The following INSRR variants were observed in gnomAD, a reference collection of about 807,000 sequenced individuals.
INSRR encodes the protein insulin receptor-related protein.
INSRR carries 114 observed loss-of-function variants against 130.0 expected under a neutral mutation model. The observed-to-expected ratio is 0.88, with a 90% CI of 0.75 to 1.02. INSRR has a LOEUF of 1.02. INSRR is among the 50% of genes least tolerant of loss of function. The pLI, the probability that INSRR is intolerant of heterozygous loss-of-function variation, is 0.00. For synonymous variants in INSRR, 674 were observed against 705.2 expected (o/e 0.96, Z 0.70); for missense variants, 1,657 against 1,735.2 (o/e 0.95, Z 0.80).
rs190741064 is a variant in INSRR at position 156,843,183 on chromosome 1, G to A, written c.2947C>T (p.Arg983Trp). The A allele has an allele frequency of 6.8e-6, 11 of 1,614,034 alleles. No individual in the cohort carries two copies. The Admixed American group carries it at 1.0e-4, about 15-fold the overall frequency. ...EVPREQISIIRELGQGSFGMV... is the reference protein window; with the variant it reads ...EVPREQISIIWELGQGSFGMV... ...CCAAAAGAGCCCTGGCCCAGTTCCC[G>A]GATTATCGAGATCTGCTCCCGAGGC... Residue 983 changes from arginine (R) to tryptophan (W), a missense_variant, in exon 17 of 22, where the codon CGG becomes TGG. Physicochemically the swap from Arg to Trp is moderately radical, Grantham distance 101 (BLOSUM62 -3). Coordinates refer to ENST00000368195, the MANE Select transcript of INSRR (RefSeq NM_014215.3).
chr1:156,843,251 G>GCA lies in INSRR; in HGVS notation c.2897-19_2897-18insTG, dbSNP rs1385936819. The GCA allele has an allele frequency of 6.2e-7, 1 of 1,610,074 alleles. No individual in the cohort carries two copies. Among genetic ancestry groups the GCA allele is most frequent in the Non-Finnish European group, 8.5e-7 (1 of 1,176,444 alleles). Reference sequence around the variant, plus strand: ...GACATACACTGCAAGGAGGTGGAGGGTCACAAAGCGAGGATGCTGCTCTCT... The same window carrying GCA: ...GACATACACTGCAAGGAGGTGGAGGGCATCACAAAGCGAGGATGCTGCTCTCT... On this transcript the variant is annotated intron_variant, in intron 16 of 21. Transcript: ENST00000368195.
rs1468345124 is a variant in INSRR, at chr1:156,840,779, T to G, written c.*94A>C. On this transcript the variant is annotated 3_prime_UTR_variant, in exon 22 of 22. Transcript: ENST00000368195. ...ACCCTCGGCCATCCCTTGCCCTGAG[T>G]TGGGGTGGGGGTGAACATTCAGGCG... 5.8e-5 allele frequency: 54 copies of G among 937,578 alleles called. No homozygotes were observed. Among genetic ancestry groups the G allele is most frequent in the Non-Finnish European group, 8.2e-5 (49 of 596,956 alleles). The allele number at this position is 937,578 out of a possible 1,614,324, so 58.1% of individuals were successfully genotyped here.
At position 156,848,927 on chromosome 1, in the gene INSRR, T is replaced by C. The variant is rs1558088225; in HGVS notation, c.1565A>G (p.Lys522Arg). 1 of 1,570,854 alleles carries C rather than the reference T, an allele frequency of 6.4e-7. No individual in the cohort carries two copies. Among genetic ancestry groups the C allele is most frequent in the East Asian group, 2.3e-5 (1 of 42,818 alleles). The change falls in exon 7 of 22, where the codon AAG (lysine) becomes AGG (arginine). Residue 522 changes from lysine to arginine, a missense_variant. By Grantham distance (26) the Lys-to-Arg change is conservative. Transcript: ENST00000368195. Reference sequence around the variant, plus strand: ...CCCCGCCCCCGGCACTCACGACTCCTTGTAGTACACGATGAAGCTGAGCAG... The same window carrying C: ...CCCCGCCCCCGGCACTCACGACTCCCTGTAGTACACGATGAAGCTGAGCAG... ...RDLLSFIVYY[K>R]ESPFQNATEH...
intron 7 of INSRR, among the ~76,000 whole-genome samples, chr1:156,847,977 C>T (rs1017279820): frequency 2.6e-5 from 4 of 152,146 alleles, no homozygotes; most frequent in Admixed American, 2.0e-4. Context: ...AGAGTGCAGT[C>T]CACAAACCAG....
At position 156,845,788 on chromosome 1, in the gene INSRR, C is replaced by T. The variant is rs759296297; in HGVS notation, c.2005G>A (p.Asp669Asn). ...CCGTCTTCGCCGTCGAAGCGCGGAT[C>T]GTTGTTGCTGGTGGGCAGCCGCAAG... ...RGLRLPTSNN[D>N]PRFDGEDGDP... The change falls in exon 10 of 22, where the codon GAT (aspartate) becomes AAT (asparagine). Residue 669 changes from aspartate (D) to asparagine (N), a missense_variant. Physicochemically the swap from Asp to Asn is conservative, Grantham distance 23. Coordinates refer to ENST00000368195, the MANE Select transcript of INSRR (RefSeq NM_014215.3). The T allele has an allele frequency of 1.2e-6, 2 of 1,612,942 alleles. No individual in the cohort carries two copies. The highest frequency in any genetic ancestry group is 1.7e-6 in the Non-Finnish European group (2 of 1,179,892).
chr1:156,849,497 T>TTGGG, intron 5 of INSRR, 37 bp from the exon 6 acceptor site: 4 of 243,930 alleles, frequency 1.6e-5, no homozygotes, highest in East Asian at 9.5e-5. Context: ...TGCGGGGAGG[T>TTGGG]GGGGGCAGGG....
Position 156,845,781 on chromosome 1 carries a change from C to T in INSRR, c.2012G>A (p.Arg671His), listed in dbSNP as rs1280212422. ...AGGATCCCCGTCTTCGCCGTCGAAG[C>T]GCGGATCGTTGTTGCTGGTGGGCAG... is the stretch of plus-strand genomic sequence containing the variant. ...LRLPTSNNDP[R>H]FDGEDGDPEA... The change falls in exon 10 of 22, where the codon CGC (arginine) becomes CAC (histidine). Residue 671 changes from arginine (R) to histidine (H), a missense_variant. Coordinates refer to ENST00000368195, the MANE Select transcript of INSRR (RefSeq NM_014215.3). 1.2e-6 allele frequency: 2 copies of T among 1,613,110 alleles called. No homozygotes were observed. The highest frequency in any genetic ancestry group is 1.7e-6 in the Non-Finnish European group (2 of 1,179,904).
chr1:156,849,116 G>T, intron 6 of INSRR, 69 bp from the exon 7 acceptor site: 1 of 1,597,278 alleles, frequency 6.3e-7, no homozygotes, highest in Non-Finnish European at 8.5e-7. Context: ...CTGACCCCGC[G>T]GCATCCCATT....
At position 156,840,880 on chromosome 1, in the gene INSRR, C is replaced by T; in HGVS notation, c.3887G>A (p.Gly1296Glu). The T allele has an allele frequency of 1.2e-6, 2 of 1,612,566 alleles. No individual in the cohort carries two copies. The highest frequency in any genetic ancestry group is 1.7e-6 in the Non-Finnish European group (2 of 1,178,992). Residue 1296 changes from glycine (G) to glutamate (E), a missense_variant, in exon 22 of 22, where the codon GGG becomes GAG. By Grantham distance (98) the Gly-to-Glu change is moderately conservative. Transcript: ENST00000368195. Reference protein sequence around the residue: ...RDCSPQNGGPGH With the variant: ...RDCSPQNGGPEH ...CAGGGAATGAGGTGCCCCTCAGTGC[C>T]CTGGACCCCCATTTTGAGGGCTGCA...
At chr1:156,845,011 A>C (rs1477077768) in intron 12 of INSRR, 65 bp downstream of exon 12, 35 of 1,549,128 alleles carry the variant, frequency 2.3e-5, no homozygotes, top group Non-Finnish European at 2.7e-5. Context: ...GTCAAACCCC[A>C]AACCTTTGCA....
At chr1:156,844,420 G>T in intron 14 of INSRR, 42 bp downstream of exon 14, 1 of 1,599,354 alleles carries the variant, frequency 6.3e-7, no homozygotes, top group Non-Finnish European at 8.5e-7. Flanking sequence ...GACCAGGTAG[G>T]GCTGTTCGGT....
In INSRR at chr1:156,841,994, G is replaced by A. The variant is rs566121796; in HGVS notation, c.3397+118C>T. On this transcript the variant is annotated intron_variant, in intron 19 of 21. Transcript: ENST00000368195. Reference sequence around the variant, plus strand: ...CAAGAGACTAAGATACAGGGTGGGGGTGACTTGCCAAGGGTCTCACAGGCT... The same window carrying A: ...CAAGAGACTAAGATACAGGGTGGGGATGACTTGCCAAGGGTCTCACAGGCT... 63 of 1,566,122 alleles carry A rather than the reference G, an allele frequency of 4.0e-5. No individual in the cohort carries two copies. The South Asian group carries it at 6.4e-4, about 16-fold the overall frequency.
Position 156,841,656 on chromosome 1 carries a change from C to T in INSRR, c.3527+9G>A, listed in dbSNP as rs762117969. On this transcript the variant is annotated intron_variant, in intron 20 of 21. Transcript: ENST00000368195. ...ATCCCTGGAGCCCTGTGCTCCAGCTCGGCCCCACCAGACATCCGAGTGGGT... is the reference window on the plus strand; with the variant it reads ...ATCCCTGGAGCCCTGTGCTCCAGCTTGGCCCCACCAGACATCCGAGTGGGT... The T allele has an allele frequency of 3.3e-5, 54 of 1,613,118 alleles. No individual in the cohort carries two copies. The highest frequency in any genetic ancestry group is 3.3e-4 in the East Asian group (15 of 44,856).
At chr1:156,852,902 C>G (rs1426949605) in intron 2 of INSRR, among the ~76,000 whole-genome samples, 1 of 152,126 alleles carries the variant, frequency 6.6e-6, no homozygotes, top group Non-Finnish European at 1.5e-5. Context: ...TCCCGCCCGC[C>G]CTGCTGCTGA....
At chr1:156,853,663 G>A in intron 2 of INSRR, 89 bp downstream of exon 2, 1 of 1,281,704 alleles carries the variant, frequency 7.8e-7, no homozygotes, top group South Asian at 1.4e-5. Context: ...GCAGCTGAAA[G>A]TACTGACCCA....
At chr1:156,846,198 G>A in intron 8 of INSRR, 79 bp from the exon 9 acceptor site, 1 of 1,405,298 alleles carries the variant, frequency 7.1e-7, no homozygotes, top group Non-Finnish European at 9.5e-7. Context: ...CCTCCTTTCT[G>A]GGGTCCAACA....
chr1:156,842,972 T>C, intron 17 of INSRR, 32 bp downstream of exon 17: 1 of 1,532,710 alleles, frequency 6.5e-7, no homozygotes, highest in South Asian at 1.1e-5. Context: ...ACACTAATTA[T>C]GACCCTGACA....
intron 7 of INSRR, 22 bp downstream of exon 7, chr1:156,848,899 C>A (rs1441176525): frequency 6.4e-7 from 1 of 1,551,570 alleles, no homozygotes; most frequent in Non-Finnish European, 8.7e-7. Context: ...GCCCCCGCTC[C>A]GGCCCCGCCC....
chr1:156,852,775 G>T (rs1252501790), intron 2 of INSRR, among the ~76,000 whole-genome samples: 1 of 152,226 alleles, frequency 6.6e-6, no homozygotes, highest in African/African-American at 2.4e-5. Flanking sequence ...TGGGGTAGGG[G>T]TCAGCCAGGT....
Sources: allele counts gnomAD v4.1 joint callset (sites outside exome capture counted in the v4.1 genomes callset), GRCh38; gene constraint gnomAD v4.1.1; transcripts MANE v1.5; gene names NCBI Gene and HGNC (gene_info 2026-07-23, HGNC 2026-07-21).